The following PRPF6 variants were observed in gnomAD, a reference collection of about 807,000 sequenced individuals.
PRPF6 encodes the protein pre-mRNA-processing factor 6.
PRPF6 carries 42 observed loss-of-function variants against 118.3 expected under a neutral mutation model. The ratio of observed to expected loss-of-function variants is 0.35; its 90% confidence interval spans 0.28 to 0.46. The LOEUF is 0.46. Among genes scored for constraint, PRPF6 ranks in the 20% least tolerant of loss-of-function variants. The pLI is 1.00. For synonymous variants in PRPF6, 481 were observed against 485.1 expected (o/e 0.99, Z 0.11); for missense variants, 662 against 1,255.7 (o/e 0.53, Z 7.15).
intron 1 of PRPF6, 102 bp downstream of exon 1, chr20:63,981,418 A>T: frequency 8.5e-7 from 1 of 1,175,654 alleles, no homozygotes. Flanking sequence ...GCAGTCTGAA[A>T]GACGCTTGGT....
rs1287629739 is a variant in PRPF6 at position 64,001,085 on chromosome 20, T to C, written c.1032T>C (p.Asp344=). The change falls in exon 9 of 21, where the codon GAT becomes GAC. Residue 344 remains aspartate, a synonymous_variant. Transcript: ENST00000266079. ...KGTEMCPKSE[D]VWLEAARLQP... ...TATCTCTTGCCTCACAGAGTGAAGA[T>C]GTCTGGCTGGAAGCAGCCAGGTTGC... 1 of 1,614,052 alleles carries C rather than the reference T, an allele frequency of 6.2e-7. No individual in the cohort carries two copies. The highest frequency in any genetic ancestry group is 8.5e-7 in the Non-Finnish European group (1 of 1,179,992).
At chr20:63,997,982 G>A (rs544043065) in intron 6 of PRPF6, among the ~76,000 whole-genome samples, 9 of 152,280 alleles carry the variant, frequency 5.9e-5, no homozygotes, top group African/African-American at 2.2e-4. Context: ...ATTCGCTGAC[G>A]GACACTTGGA....
At chr20:64,009,266 C>T (rs1161367071) in intron 9 of PRPF6, among the ~76,000 whole-genome samples, 6 of 114,122 alleles carry the variant, frequency 5.3e-5, no homozygotes, top group South Asian at 2.8e-4. Flanking sequence ...GGCGACAGAG[C>T]GAGACTCCAT....
intron 9 of PRPF6, among the ~76,000 whole-genome samples, chr20:64,008,604 A>G (rs973625397): frequency 1.3e-5 from 2 of 149,400 alleles, no homozygotes; most frequent in Non-Finnish European, 3.0e-5. Context: ...AGGGTGTGCA[A>G]AACGGTGACA....
rs386394238 is a variant in PRPF6, at chr20:64,002,014, G to GTTTTTTTTTTTTTTTTTTT, written c.1186+779_1186+797dup. ...TTTCATTTTTTGTTTTTTTTTTCTG[G>GTTTTTTTTTTTTTTTTTTT]TTTTTTTTTTTTTTTTTTTTTTGAG... On this transcript the variant is annotated intron_variant, in intron 9 of 20. Coordinates refer to ENST00000266079, the MANE Select transcript of PRPF6 (RefSeq NM_012469.4). Among the ~76,000 whole-genome samples, 5 of 83,242 alleles carry GTTTTTTTTTTTTTTTTTTT rather than the reference G, an allele frequency of 6.0e-5. 1 individual carries two copies. The highest frequency in any genetic ancestry group is 4.0e-4 in the East Asian group (1 of 2,524). The allele number at this position is 83,242 out of a possible 152,430, so 54.6% of individuals were successfully genotyped here.
intron 9 of PRPF6, among the ~76,000 whole-genome samples, chr20:64,009,241 A>G (rs1350617416): frequency 5.0e-5 from 7 of 139,380 alleles, no homozygotes; most frequent in Non-Finnish European, 1.1e-4. Flanking sequence ...AGATCACGCC[A>G]CTGCACTCCA....
intron 12 of PRPF6, among the ~76,000 whole-genome samples, chr20:64,021,296 G>C (rs1481375912): frequency 6.6e-6 from 1 of 150,638 alleles, no homozygotes; most frequent in Non-Finnish European, 1.5e-5. Flanking sequence ...GTGCGTGTGT[G>C]TGTGTGTGTG....
Position 64,027,569 on chromosome 20 carries a change from C to T in PRPF6, c.2206-34C>T, listed in dbSNP as rs1395604483. ...GCTGTGTCCCAGTTCTTCATAGACACCACCTGAGCTGCTCTCTTACTTGTT... is the reference window on the plus strand; with the variant it reads ...GCTGTGTCCCAGTTCTTCATAGACATCACCTGAGCTGCTCTCTTACTTGTT... On this transcript the variant is annotated intron_variant, in intron 16 of 20. Transcript: ENST00000266079. The surrounding 1 kb of genome is among the most constrained non-coding windows in gnomAD (Gnocchi z 6.5). The T allele has an allele frequency of 6.2e-7, 1 of 1,612,448 alleles. No individual in the cohort carries two copies. Among genetic ancestry groups the T allele is most frequent in the South Asian group, 1.1e-5 (1 of 91,066 alleles).
intron 3 of PRPF6, among the ~76,000 whole-genome samples, chr20:63,985,950 A>G (rs2059091268): frequency 6.6e-6 from 1 of 152,240 alleles, no homozygotes; most frequent in Non-Finnish European, 1.5e-5. Flanking sequence ...GACACACTGA[A>G]AAAAGAAAAT....
rs2059157357 is a variant in PRPF6, at chr20:63,999,602, G to A, written c.867-1G>A. The A allele has an allele frequency of 6.2e-7, 1 of 1,613,928 alleles. No homozygotes were observed. The highest frequency in any genetic ancestry group is 8.5e-7 in the Non-Finnish European group (1 of 1,180,042). On this transcript the variant is annotated splice_acceptor_variant, in intron 7 of 20. Coordinates refer to ENST00000266079, the MANE Select transcript of PRPF6 (RefSeq NM_012469.4). LOFTEE classifies it high-confidence loss of function. ...TGCCGTGTGCACTCTCCCTCTCATA[G>A]TGATATCAAGAAGGCGCGACTGCTC...
intron 2 of PRPF6, among the ~76,000 whole-genome samples, chr20:63,984,352 C>T (rs1169665255): frequency 6.6e-6 from 1 of 151,054 alleles, no homozygotes; most frequent in Non-Finnish European, 1.5e-5. Context: ...ACCCGGGAGG[C>T]GGAGGTTGCG....
chr20:64,020,173 T>C (rs1471689026), intron 12 of PRPF6, among the ~76,000 whole-genome samples: 3 of 152,198 alleles, frequency 2.0e-5, no homozygotes, highest in African/African-American at 7.2e-5. Context: ...CCAGCACTTT[T>C]GGGAGGCCGA....
intron 19 of PRPF6, 127 bp from the exon 20 acceptor site, chr20:64,031,791 G>T: frequency 7.8e-7 from 1 of 1,290,154 alleles, no homozygotes; most frequent in East Asian, 2.3e-5. Context: ...TGATCCTCAG[G>T]CCTTCTTGAG....
Position 64,026,875 on chromosome 20 carries a change from A to C in PRPF6, c.2029-107A>C. 2 of 1,173,510 alleles carry C rather than the reference A, an allele frequency of 1.7e-6. No homozygotes were observed. The highest frequency in any genetic ancestry group is 2.5e-6 in the Non-Finnish European group (2 of 786,550). The allele number at this position is 1,173,510 out of a possible 1,614,324, so 72.7% of individuals were successfully genotyped here. ...TACACAAACAGGCTATGAAAAGCTT[A>C]CAAAAGTACACACAGTACTGCAGGT... On this transcript the variant is annotated intron_variant, in intron 15 of 20. Transcript: ENST00000266079. The surrounding 1 kb of genome is among the most constrained non-coding windows in gnomAD (Gnocchi z 4.4).
At chr20:63,992,796 C>T (rs187562461) in intron 3 of PRPF6, among the ~76,000 whole-genome samples, 7 of 151,880 alleles carry the variant, frequency 4.6e-5, no homozygotes, top group Admixed American at 2.0e-4. Context: ...TGCAGTGGTG[C>T]GATCTTGGCT....
chr20:64,001,028 G>A lies in PRPF6; in HGVS notation c.1024-49G>A, dbSNP rs2059164157. 6.9e-6 allele frequency: 11 copies of A among 1,597,552 alleles called. No homozygotes were observed. In the East Asian group the frequency reaches 8.9e-5, roughly 13 times the overall value. ...AGATCTGTGCCTGCTGCCCTGTTGC[G>A]GCTTCCAGCCTGCACTGAGCCTTAT... On this transcript the variant is annotated intron_variant, in intron 8 of 20. Coordinates refer to ENST00000266079, the MANE Select transcript of PRPF6 (RefSeq NM_012469.4).
At chr20:64,017,591 G>A (rs1386682876) in intron 12 of PRPF6, among the ~76,000 whole-genome samples, 1 of 150,762 alleles carries the variant, frequency 6.6e-6, no homozygotes, top group African/African-American at 2.4e-5. Context: ...TGCCGCGCCC[G>A]GCCTCCCACG....
chr20:64,031,075 C>T (rs1344917331), intron 19 of PRPF6, among the ~76,000 whole-genome samples: 3 of 152,242 alleles, frequency 2.0e-5, no homozygotes, highest in East Asian at 3.8e-4. Context: ...CCTCTTCGGG[C>T]CCGGTTTTTC....
chr20:64,019,103 T>G (rs1249460618), intron 12 of PRPF6, among the ~76,000 whole-genome samples: 2 of 149,458 alleles, frequency 1.3e-5, no homozygotes, highest in African/African-American at 5.0e-5. Context: ...TTTTTTTTTT[T>G]TTTTTTTTTG....
Sources: gnomAD v4.1 joint callset for allele counts (sites outside exome capture counted in the v4.1 genomes callset) on GRCh38, gnomAD v4.1.1 for gene constraint, Gnocchi (gnomAD v3.1) non-coding constraint, MANE v1.5 for transcripts, NCBI Gene and HGNC (gene_info 2026-07-23, HGNC 2026-07-21) for gene names.